Variants in BMP1 observed in about 807,000 individuals in gnomAD.
BMP1 encodes mammalian tolloid protein.
In BMP1, 63 loss-of-function variants were observed where a neutral mutation model predicts 116.8. The ratio of observed to expected loss-of-function variants is 0.54; its 90% CI spans 0.44 to 0.67. BMP1 has a LOEUF of 0.67. BMP1 is among the 30% of genes least tolerant of loss of function. The pLI is 0.00. For synonymous variants in BMP1, 536 were observed against 533.4 expected (o/e 1.00, Z -0.07); for missense variants, 1,183 against 1,358.9 (o/e 0.87, Z 2.04).
Position 22,206,860 on chromosome 8 carries a change from G to A in BMP1, c.2240G>A (p.Cys747Tyr), listed in dbSNP as rs1413741861. 1 of 1,614,094 alleles carries A rather than the reference G, an allele frequency of 6.2e-7. No homozygotes were observed. The highest frequency in any genetic ancestry group is 8.5e-7 in the Non-Finnish European group (1 of 1,180,030). Residue 747 changes from cysteine (C) to tyrosine (Y), a missense_variant, in exon 17 of 20, where the codon TGT becomes TAT. Physicochemically the swap from Cys to Tyr is radical, Grantham distance 194 (BLOSUM62 -2). Transcript: ENST00000306385. The part of the protein sequence containing the change: ...DNKHDCKEAG[C>Y]DHKVTSTSGT... ...GTCACTCGCTTCCCTGCAGCCGGCT[G>A]TGACCACAAGGTGACATCCACCAGT... is the stretch of plus-strand genomic sequence containing the variant.
At chr8:22,165,591 G>A (rs780767093) in intron 1 of BMP1, 38 bp downstream of exon 1, 2 of 1,538,536 alleles carry the variant, frequency 1.3e-6, no homozygotes, top group African/African-American at 1.4e-5. Context: ...GGGCCAGGCG[G>A]GGAGGCGCGG....
chr8:22,178,018 C>A, intron 6 of BMP1, 61 bp downstream of exon 6: 1 of 1,328,848 alleles, frequency 7.5e-7, no homozygotes, highest in Non-Finnish European at 1.1e-6. Flanking sequence ...CCTCTGTAGG[C>A]TATTCTCCTC....
chr8:22,197,251 C>A lies in BMP1; in HGVS notation c.1938C>A (p.Tyr646Ter). Residue 646 changes from tyrosine to a stop codon, truncating the protein, a stop_gained, in exon 15 of 20, where the codon TAC (tyrosine) becomes TAA (stop). Transcript: ENST00000306385. LOFTEE classifies it high-confidence loss of function. ...FETEGNDVCK[Y>*]DFVEVRSGLT... Reference sequence around the variant, plus strand: ...GGGCTTCCCTGCAGGTGTGCAAGTACGACTTCGTGGAGGTGCGCAGTGGAC... The same window carrying A: ...GGGCTTCCCTGCAGGTGTGCAAGTAAGACTTCGTGGAGGTGCGCAGTGGAC... 6.2e-7 allele frequency: 1 copy of A among 1,609,894 alleles called. No individual in the cohort carries two copies. Among genetic ancestry groups the A allele is most frequent in the Non-Finnish European group, 8.5e-7 (1 of 1,176,458 alleles).
chr8:22,207,128 A>G, intron 17 of BMP1, 147 bp downstream of exon 17: 2 of 1,428,070 alleles, frequency 1.4e-6, no homozygotes, highest in Non-Finnish European at 1.9e-6. Flanking sequence ...CCCCTTTCCC[A>G]GTATAAATTA....
In BMP1 at chr8:22,191,970, C is replaced by T. The variant is rs573822512; in HGVS notation, c.1078-79C>T. On this transcript the variant is annotated intron_variant, in intron 8 of 19. Transcript: ENST00000306385. Reference sequence around the variant, plus strand: ...GGGGACCTGCCTCGCGTAAGGCGGGCGGTGGTCATCATGGGGCTGGCAGAG... The same window carrying T: ...GGGGACCTGCCTCGCGTAAGGCGGGTGGTGGTCATCATGGGGCTGGCAGAG... 12 of 1,306,896 alleles carry T rather than the reference C, an allele frequency of 9.2e-6. No individual in the cohort carries two copies. The African/African-American group carries it at 1.0e-4, about 11-fold the overall frequency. The allele number at this position is 1,306,896 out of a possible 1,614,324, so 81.0% of individuals were successfully genotyped here.
intron 5 of BMP1, 86 bp downstream of exon 5, chr8:22,177,225 G>C (rs537734815): frequency 7.3e-7 from 1 of 1,367,058 alleles, no homozygotes; most frequent in South Asian, 1.4e-5. Flanking sequence ...AGTGGCAGCC[G>C]CTCCAGCCAG....
At chr8:22,190,693 A>C (rs1277254612) in intron 8 of BMP1, among the ~76,000 whole-genome samples, 1 of 152,232 alleles carries the variant, frequency 6.6e-6, no homozygotes, top group African/African-American at 2.4e-5. Context: ...CAGAGTGACC[A>C]GGAGCCAGGA....
At chr8:22,180,593 C>T (rs1440247933) in intron 8 of BMP1, 110 bp downstream of exon 8, 2 of 970,762 alleles carry the variant, frequency 2.1e-6, no homozygotes, top group Non-Finnish European at 3.2e-6. Flanking sequence ...TACCTGGCTA[C>T]CGTAAATGTA....
At chr8:22,183,089 A>T (rs1221302973) in intron 8 of BMP1, among the ~76,000 whole-genome samples, 1 of 152,178 alleles carries the variant, frequency 6.6e-6, no homozygotes, top group Admixed American at 6.5e-5. Context: ...CTTAAAAGTG[A>T]ACCCATTCTT....
chr8:22,198,815 T>A, intron 15 of BMP1: 1 of 496,752 alleles, frequency 2.0e-6, no homozygotes, highest in East Asian at 9.6e-5. Context: ...CTGCTTACAG[T>A]GGCCCGTTGA....
intron 1 of BMP1, among the ~76,000 whole-genome samples, chr8:22,172,607 CT>C (rs368585884): frequency 0.12 from 11,339 of 97,324 alleles, 233 homozygotes; most frequent in African/African-American, 0.18. Context: ...TTTATTTCCT[CT>C]TTTTTTTTTT....
chr8:22,193,996 T>C (rs749717386), intron 9 of BMP1, 62 bp from the exon 10 acceptor site: 13 of 1,353,758 alleles, frequency 9.6e-6, no homozygotes, highest in Non-Finnish European at 1.4e-5. Flanking sequence ...CCTGGAGAGG[T>C]GGGGCCTCTA....
intron 8 of BMP1, among the ~76,000 whole-genome samples, chr8:22,189,628 G>A (rs2131873269): frequency 1.3e-5 from 2 of 151,996 alleles, no homozygotes; most frequent in South Asian, 4.2e-4. Context: ...CACCATAGCT[G>A]GCTAATTTTT....
chr8:22,199,878 C>T (rs1265709917), intron 15 of BMP1, among the ~76,000 whole-genome samples: 1 of 152,174 alleles, frequency 6.6e-6, no homozygotes. Flanking sequence ...CACCTCTTGG[C>T]CTGGTTCCCA....
intron 13 of BMP1, 76 bp from the exon 14 acceptor site, chr8:22,196,604 C>T: frequency 6.3e-7 from 1 of 1,596,044 alleles, no homozygotes; most frequent in Non-Finnish European, 8.5e-7. Context: ...CTCCTTACTG[C>T]ATCCCAGCCC....
At chr8:22,209,008 C>G (rs115381905) in intron 18 of BMP1, among the ~76,000 whole-genome samples, 4 of 152,242 alleles carry the variant, frequency 2.6e-5, no homozygotes, top group Non-Finnish European at 5.9e-5. Context: ...TTGGCCCACA[C>G]TGTGTTTTTT....
Position 22,195,544 on chromosome 8 carries a change from T to C in BMP1, c.1722T>C (p.Cys574=), listed in dbSNP as rs1829057695. ...LNTLGSYKCS[C]DPGYELAPDK... ...CCCTGGGCAGCTACAAGTGCAGCTGTGACCCCGGGTACGAGCTGGCCCCAG... is the reference window on the plus strand; with the variant it reads ...CCCTGGGCAGCTACAAGTGCAGCTGCGACCCCGGGTACGAGCTGGCCCCAG... Residue 574 remains cysteine (C), a synonymous_variant, in exon 13 of 20, where the codon TGT becomes TGC. Coordinates refer to ENST00000306385, the MANE Select transcript of BMP1 (RefSeq NM_006129.5). 1 of 1,612,580 alleles carries C rather than the reference T, an allele frequency of 6.2e-7. No homozygotes were observed. Among genetic ancestry groups the C allele is most frequent in the African/African-American group, 1.3e-5 (1 of 74,930 alleles).
In BMP1 at chr8:22,186,668, T is replaced by G. The variant is rs191979796; in HGVS notation, c.1078-5381T>G. On this transcript the variant is annotated intron_variant, in intron 8 of 19. Transcript: ENST00000306385. ...TTTTAGTAGAGACAGGGTTTCGCCATGTTGGCCAGTCTCGTCTTGAACTCC... is the reference window on the plus strand; with the variant it reads ...TTTTAGTAGAGACAGGGTTTCGCCAGGTTGGCCAGTCTCGTCTTGAACTCC... Among the ~76,000 whole-genome samples, 296 of 152,004 alleles carry G rather than the reference T, an allele frequency of 1.9e-3. 2 individuals carry two copies. The highest frequency in any genetic ancestry group is 6.7e-3 in the African/African-American group (277 of 41,446).
At chr8:22,177,569 G>A (rs755598870) in intron 5 of BMP1, 6 of 740,748 alleles carry the variant, frequency 8.1e-6, no homozygotes, top group South Asian at 4.1e-5. Context: ...TCTCCCAGGC[G>A]TTCTCCACTC....
Sources: gnomAD v4.1 joint callset for allele counts (sites outside exome capture counted in the v4.1 genomes callset) on GRCh38, gnomAD v4.1.1 for gene constraint, MANE v1.5 for transcripts, NCBI Gene and HGNC (gene_info 2026-07-23, HGNC 2026-07-21) for gene names.